Variants in RB1CC1 observed in about 807,000 individuals in gnomAD.
The protein encoded by RB1CC1 is RB1-inducible coiled-coil protein 1.
In RB1CC1, 46 loss-of-function variants were observed where a neutral mutation model predicts 177.5. The ratio of observed to expected loss-of-function variants is 0.26; its 90% CI spans 0.20 to 0.33. The LOEUF (loss-of-function observed/expected upper bound fraction) is 0.33, where lower values mean the gene tolerates loss of function less well. Ranked by LOEUF, RB1CC1 falls within the 10% of genes least tolerant of loss-of-function variation. The probability of loss-of-function intolerance (pLI) is 1.00; values close to 1 mark genes in which losing one functional copy is unlikely to be tolerated. For synonymous variants in RB1CC1, 666 were observed against 613.6 expected (o/e 1.09, Z -1.26); for missense variants, 1,703 against 1,816.3 (o/e 0.94, Z 1.13).
intron 8 of RB1CC1, among the ~76,000 whole-genome samples, chr8:52,663,147 G>A (rs908244280): frequency 6.6e-6 from 1 of 151,934 alleles, no homozygotes; most frequent in Non-Finnish European, 1.5e-5. Context: ...ATTTTTACAC[G>A]CAAATAAGGT....
chr8:52,707,209 T>A (rs1367406296), intron 1 of RB1CC1, among the ~76,000 whole-genome samples: 1 of 150,302 alleles, frequency 6.7e-6, no homozygotes, highest in South Asian at 2.1e-4. Flanking sequence ...CATCAATTAC[T>A]GTTATTAACT....
intron 5 of RB1CC1, among the ~76,000 whole-genome samples, chr8:52,681,333 A>C (rs1462547541): frequency 6.6e-6 from 1 of 152,206 alleles, no homozygotes; most frequent in South Asian, 2.1e-4. Flanking sequence ...AAATTCACTA[A>C]GAATGGATGT....
chr8:52,682,333 G>T (rs939351812), intron 5 of RB1CC1, among the ~76,000 whole-genome samples: 2 of 152,058 alleles, frequency 1.3e-5, no homozygotes, highest in African/African-American at 4.8e-5. Context: ...CAGCCACGAG[G>T]AACTGTTAAG....
intron 18 of RB1CC1, among the ~76,000 whole-genome samples, chr8:52,640,582 T>C (rs543783556): frequency 6.6e-6 from 1 of 151,418 alleles, no homozygotes; most frequent in South Asian, 2.1e-4. Flanking sequence ...TTCTGAATCA[T>C]ATTATAGTAA....
Position 52,674,143 on chromosome 8 carries a change from T to A in RB1CC1, c.704A>T (p.Lys235Ile), listed in dbSNP as rs967024858. 1 of 1,613,948 alleles carries A rather than the reference T, an allele frequency of 6.2e-7. No homozygotes were observed. The highest frequency in any genetic ancestry group is 8.5e-7 in the Non-Finnish European group (1 of 1,179,936). The change falls in exon 7 of 24, where the codon AAA becomes ATA. Residue 235 changes from lysine (K) to isoleucine (I), a missense_variant. Lys to Ile is a moderately radical substitution (Grantham distance 102). This residue lies in a region of RB1CC1 where 315 missense variants were observed against 304.9 expected (regional missense o/e 1.03). Coordinates refer to ENST00000025008, the MANE Select transcript of RB1CC1 (RefSeq NM_014781.5). ...EHEDSEKAEM[K>I]RSTELVLSPD... is the part of the protein sequence containing the mutation. ...AGAGAGCACCAGTTCAGTGGATCTT[T>A]TCATCTCAGCTTTTTCTGAGTCTTC...
intron 21 of RB1CC1, among the ~76,000 whole-genome samples, chr8:52,629,171 GA>G (rs1265616711): frequency 1.3e-5 from 2 of 152,090 alleles, no homozygotes; most frequent in African/African-American, 4.8e-5. Context: ...AATGAGACAT[GA>G]AAAGTCAGAA....
intron 1 of RB1CC1, among the ~76,000 whole-genome samples, chr8:52,693,874 A>T (rs1444805202): frequency 6.6e-6 from 1 of 152,124 alleles, no homozygotes; most frequent in Non-Finnish European, 1.5e-5. Context: ...GCAGCAAACC[A>T]CCATGGCACA....
At chr8:52,639,460 G>A (rs1257947549) in intron 18 of RB1CC1, among the ~76,000 whole-genome samples, 1 of 152,146 alleles carries the variant, frequency 6.6e-6, no homozygotes, top group Admixed American at 6.5e-5. Context: ...GTCTGAAAAT[G>A]AGGACAGAAA....
At chr8:52,658,174 T>G in intron 13 of RB1CC1, 50 bp from the exon 14 acceptor site, 6 of 1,542,490 alleles carry the variant, frequency 3.9e-6, no homozygotes, top group Non-Finnish European at 5.3e-6. Context: ...AATGAACTAG[T>G]AGATAACTGC....
chr8:52,665,131 G>A (rs530366844), intron 8 of RB1CC1, among the ~76,000 whole-genome samples: 1 of 152,132 alleles, frequency 6.6e-6, no homozygotes, highest in African/African-American at 2.4e-5. Flanking sequence ...ATAAATATAC[G>A]AATGAATTTG....
intron 16 of RB1CC1, among the ~76,000 whole-genome samples, chr8:52,643,473 GGAGGACTGCTTGAGCCCAGGAGTTT>G (rs1203358838): frequency 1.3e-5 from 2 of 152,014 alleles, no homozygotes; most frequent in African/African-American, 4.8e-5. Context: ...GACTGAGGTG[GGAGGACTGCTTGAGCCCAGGAGTTT>G]GAGACCAGCC....
intron 1 of RB1CC1, among the ~76,000 whole-genome samples, chr8:52,696,611 C>A (rs1418858202): frequency 6.6e-6 from 1 of 151,844 alleles, no homozygotes; most frequent in Non-Finnish European, 1.5e-5. Context: ...TAATGATACT[C>A]AAAAAAACAA....
At chr8:52,684,052 T>A (rs762840149) in intron 3 of RB1CC1, 39 bp from the exon 4 acceptor site, 1 of 1,580,776 alleles carries the variant, frequency 6.3e-7, no homozygotes, top group Admixed American at 1.8e-5. Context: ...TTGTTTATAT[T>A]TGCCCAATGA....
rs763071620 is a variant in RB1CC1, at chr8:52,657,439, T to C, written c.2390A>G (p.Gln797Arg). ...DFGDHTSLNVQLERCRVVAQD... is the reference protein window; with the variant it reads ...DFGDHTSLNVRLERCRVVAQD... ...GGCAACAACTCTACATCTTTCCAAC[T>C]GGACATTCAGAGAAGTATGATCTCC... Residue 797 changes from glutamine (Q) to arginine (R), a missense_variant, in exon 15 of 24, where the codon CAG becomes CGG. Around this residue, in one of 6 missense-constraint regions of RB1CC1, gnomAD observed 1,169 missense variants for 1,184.7 expected, o/e 0.99. Transcript: ENST00000025008. The C allele has an allele frequency of 7.4e-6, 12 of 1,613,684 alleles. No homozygotes were observed. The highest frequency in any genetic ancestry group is 7.6e-6 in the Non-Finnish European group (9 of 1,180,002).
intron 15 of RB1CC1, 74 bp from the exon 16 acceptor site, chr8:52,645,941 G>A: frequency 2.2e-6 from 3 of 1,360,296 alleles, no homozygotes; most frequent in Non-Finnish European, 3.0e-6. Context: ...TCATATTTGG[G>A]AAATTTATCT....
chr8:52,685,710 T>C (rs1591084346), intron 2 of RB1CC1, among the ~76,000 whole-genome samples, 190 bp from the exon 3 acceptor site: 2 of 152,060 alleles, frequency 1.3e-5, no homozygotes, highest in South Asian at 2.1e-4. Context: ...TAAATAGTAA[T>C]GAGTTTAGTG....
At chr8:52,696,049 T>TC (rs1466406580) in intron 1 of RB1CC1, among the ~76,000 whole-genome samples, 26 of 152,216 alleles carry the variant, frequency 1.7e-4, no homozygotes, top group East Asian at 7.7e-4. Context: ...CATACTATGG[T>TC]TTTTTTGTTT....
chr8:52,635,009 C>T, intron 19 of RB1CC1, 41 bp from the exon 20 acceptor site: 3 of 1,530,908 alleles, frequency 2.0e-6, no homozygotes, highest in Non-Finnish European at 2.7e-6. Context: ...ATCCTTGTAC[C>T]TACTCAAATA....
intron 1 of RB1CC1, among the ~76,000 whole-genome samples, chr8:52,694,447 T>TGGCTCATCCCGGAC (rs1855192715): frequency 6.6e-6 from 1 of 152,256 alleles, no homozygotes; most frequent in Admixed American, 6.5e-5. Context: ...CCATCCTGGA[T>TGGCTCATCCCGGAC]GGCTCATCCC....
Sources: gnomAD v4.1 joint callset for allele counts (sites outside exome capture counted in the v4.1 genomes callset) on GRCh38, gnomAD v4.1.1 for gene constraint, gnomAD v4.1.1 regional missense constraint, MANE v1.5 for transcripts, NCBI Gene and HGNC (gene_info 2026-07-23, HGNC 2026-07-21) for gene names.